The following ESRRG variants were observed in gnomAD, a reference collection of about 807,000 sequenced individuals.
ESRRG encodes estrogen-related receptor gamma.
ESRRG carries 13 observed loss-of-function variants against 44.0 expected under a neutral mutation model. That is an observed-to-expected ratio of 0.30 (90% CI 0.19 to 0.47). The LOEUF (loss-of-function observed/expected upper bound fraction) is 0.47, where lower values mean the gene tolerates loss of function less well. Among genes scored for constraint, ESRRG ranks in the 20% least tolerant of loss-of-function variants. ESRRG has a pLI of 1.00. For synonymous variants in ESRRG, 215 were observed against 214.6 expected, an observed-to-expected ratio of 1.00 and a Z score of -0.02; for missense variants, 395 against 580.6, an observed-to-expected ratio of 0.68 and a Z score of 3.29.
intron 1 of ESRRG, among the ~76,000 whole-genome samples, chr1:217,088,517 G>T (rs1359116032): frequency 7.1e-6 from 1 of 141,794 alleles, no homozygotes; most frequent in Non-Finnish European, 1.5e-5. Flanking sequence ...GTGTCTTATT[G>T]CATGGCCACT....
chr1:216,513,446 T>TTAAGCA (rs2043299037), intron 6 of ESRRG, among the ~76,000 whole-genome samples: 2 of 152,188 alleles, frequency 1.3e-5, no homozygotes, highest in Non-Finnish European at 2.9e-5. Flanking sequence ...TTAACCATGG[T>TTAAGCA]GACAATAATA....
intron 1 of ESRRG, among the ~76,000 whole-genome samples, chr1:216,951,521 T>C (rs1280797087): frequency 6.6e-6 from 1 of 152,094 alleles, no homozygotes; most frequent in Admixed American, 6.6e-5. Flanking sequence ...AACTGCTTGG[T>C]TGGGCTGTTT....
At chr1:216,601,361 A>G (rs978005010) in intron 3 of ESRRG, among the ~76,000 whole-genome samples, 1 of 152,136 alleles carries the variant, frequency 6.6e-6, no homozygotes, top group Non-Finnish European at 1.5e-5. Context: ...GCCGGGCTTC[A>G]AACAGAAACC....
At chr1:216,776,628 C>T (rs1025163702) in intron 2 of ESRRG, among the ~76,000 whole-genome samples, 2 of 152,100 alleles carry the variant, frequency 1.3e-5, no homozygotes, top group African/African-American at 4.8e-5. Flanking sequence ...TCAAATATTA[C>T]AGTATGTTGG....
chr1:217,103,664 ATAATTAATTAAT>A (rs5780968), intron 1 of ESRRG, among the ~76,000 whole-genome samples: 5 of 149,018 alleles, frequency 3.4e-5, no homozygotes, highest in Non-Finnish European at 5.9e-5. Context: ...CCTCCAAAAA[ATAATTAATTAAT>A]TAATTAATTA....
chr1:216,757,977 A>G (rs1452763560), intron 2 of ESRRG, among the ~76,000 whole-genome samples: 3 of 152,106 alleles, frequency 2.0e-5, no homozygotes, highest in African/African-American at 7.2e-5. Flanking sequence ...GAAATGAACA[A>G]ATAAACAGCA....
chr1:216,824,023 G>T (rs1314530913), intron 2 of ESRRG, among the ~76,000 whole-genome samples: 1 of 152,016 alleles, frequency 6.6e-6, no homozygotes, highest in African/African-American at 2.4e-5. Flanking sequence ...CTTTTTTTCT[G>T]ATATAATCAC....
intron 2 of ESRRG, among the ~76,000 whole-genome samples, chr1:216,924,546 G>C (rs549017496): frequency 1.3e-5 from 2 of 152,338 alleles, no homozygotes; most frequent in South Asian, 4.1e-4. Context: ...ATCCAGCCTA[G>C]AAGGAAAATC....
At chr1:216,918,696 G>T (rs191139976) in intron 2 of ESRRG, among the ~76,000 whole-genome samples, 1 of 151,750 alleles carries the variant, frequency 6.6e-6, no homozygotes, top group East Asian at 1.9e-4. Flanking sequence ...TGTGCTTTGA[G>T]TTAAAATTTT....
chr1:216,584,200 CT>C (rs1225203877), intron 3 of ESRRG, among the ~76,000 whole-genome samples: 1 of 151,744 alleles, frequency 6.6e-6, no homozygotes, highest in East Asian at 1.9e-4. Context: ...ACTAAATTAT[CT>C]TTTTTCTAAA....
At chr1:217,089,758 G>T (rs2092300737), upstream of ESRRG, 1 of 152,060 alleles carries the variant, frequency 6.6e-6, no homozygotes, top group African/African-American at 2.4e-5. Flanking sequence ...GGCACCCGGG[G>T]TCCGCGTCCC....
At chr1:216,940,858 A>G (rs2065109101) in intron 1 of ESRRG, among the ~76,000 whole-genome samples, 1 of 152,186 alleles carries the variant, frequency 6.6e-6, no homozygotes, top group Non-Finnish European at 1.5e-5. Context: ...AATTGGAATC[A>G]TATCTTGGTA....
chr1:217,107,580 A>G (rs565210493), intron 1 of ESRRG, among the ~76,000 whole-genome samples: 2 of 152,354 alleles, frequency 1.3e-5, no homozygotes, highest in South Asian at 2.1e-4. Flanking sequence ...ATTTAAATGC[A>G]TATATGAACA....
At chr1:216,523,616 A>T (rs984287460) in intron 5 of ESRRG, among the ~76,000 whole-genome samples, 2 of 152,108 alleles carry the variant, frequency 1.3e-5, no homozygotes, top group African/African-American at 2.4e-5. Flanking sequence ...GTCTTCAAAA[A>T]TACACTTTCA....
chr1:217,064,062 TA>T (rs1462132312), intron 1 of ESRRG, among the ~76,000 whole-genome samples: 1 of 151,342 alleles, frequency 6.6e-6, no homozygotes, highest in African/African-American at 2.4e-5. Flanking sequence ...ACACCCTATA[TA>T]CATATATATT....
chr1:216,913,243 T>C (rs1199715555), intron 2 of ESRRG, among the ~76,000 whole-genome samples: 2 of 152,038 alleles, frequency 1.3e-5, no homozygotes, highest in Non-Finnish European at 2.9e-5. Context: ...TAATACATTA[T>C]AGCAACTACT....
chr1:216,611,093 C>T (rs1298025921), intron 3 of ESRRG, among the ~76,000 whole-genome samples: 1 of 151,386 alleles, frequency 6.6e-6, no homozygotes, highest in Admixed American at 6.6e-5. Flanking sequence ...ATCCCAGCTA[C>T]TCGGGAGGCT....
chr1:216,780,046 G>A (rs2093871382), intron 2 of ESRRG, among the ~76,000 whole-genome samples: 1 of 151,654 alleles, frequency 6.6e-6, no homozygotes, highest in Admixed American at 6.6e-5. Flanking sequence ...ATTTTTTAAA[G>A]GCCATGTGCA....
intron 2 of ESRRG, among the ~76,000 whole-genome samples, chr1:216,848,390 T>C (rs1219254882): frequency 6.9e-6 from 1 of 145,838 alleles, no homozygotes; most frequent in Non-Finnish European, 1.5e-5. Flanking sequence ...TAGATATGAA[T>C]TTCTTGGCTT....
Sources: allele counts gnomAD v4.1 joint callset (sites outside exome capture counted in the v4.1 genomes callset), GRCh38; gene constraint gnomAD v4.1.1; transcripts MANE v1.5; gene names NCBI Gene and HGNC (gene_info 2026-07-23, HGNC 2026-07-21).